Variants in KCNV1 observed in about 807,000 individuals in gnomAD.
KCNV1 encodes potassium voltage-gated channel modifier subfamily V member 1.
KCNV1 carries 2 observed loss-of-function variants against 36.4 expected under a neutral mutation model. The observed-to-expected ratio is 0.05, with a 90% CI of 0.02 to 0.17. The LOEUF (loss-of-function observed/expected upper bound fraction) is 0.17. Ranked by LOEUF, KCNV1 falls within the 10% of genes least tolerant of loss-of-function variation. The pLI is 1.00. For missense variants in KCNV1, 321 were observed against 643.6 expected (o/e 0.50, Z 5.42); for synonymous variants, 280 against 261.1 (o/e 1.07, Z -0.70).
Position 109,974,114 on chromosome 8 carries a change from T to A in KCNV1, c.275A>T (p.Asp92Val). 6.2e-7 allele frequency: 1 copy of A among 1,612,696 alleles called. No homozygotes were observed. Among genetic ancestry groups the A allele is most frequent in the South Asian group, 1.1e-5 (1 of 90,836 alleles). Residue 92 changes from aspartate to valine, a missense_variant, in exon 2 of 4, where the codon GAC (aspartate) becomes GTC (valine). Asp to Val is a radical substitution (Grantham distance 152, BLOSUM62 -3). Transcript: ENST00000524391. This position sits in a 1 kb window ranked among gnomAD's most constrained non-coding sequence, Gnocchi z 6.2. The stretch of plus-strand genomic sequence containing the variant: ...CTCGTTGTCCACGGGGTTGGCATCG[T>A]CGCAAAGCTCCAGAGGGCTGGGCAC... ...AAVPSPLELC[D>V]DANPVDNEYF...
rs957777301 is a variant in KCNV1 at position 109,967,705 on chromosome 8, C to T, written c.*383G>A. The T allele has an allele frequency of 5.9e-5, 10 of 169,618 alleles. No homozygotes were observed. Among genetic ancestry groups the T allele is most frequent in the African/African-American group, 2.4e-4 (10 of 41,754 alleles). The allele number at this position is 169,618 out of a possible 1,614,324, so 10.5% of individuals were successfully genotyped here. ...TTCTTAAATATTTACTTATCTTTCT[C>T]TGGGCTATGCAGTTTACCTTCCATT... On this transcript the variant is annotated 3_prime_UTR_variant, in exon 4 of 4. Coordinates refer to ENST00000524391, the MANE Select transcript of KCNV1 (RefSeq NM_014379.4).
At chr8:109,973,063 C>T (rs748425025) in intron 2 of KCNV1, among the ~76,000 whole-genome samples, 12 of 151,376 alleles carry the variant, frequency 7.9e-5, no homozygotes, top group Non-Finnish European at 1.5e-4. Context: ...CTGTAGCCTC[C>T]GCTTCCCAGG....
In KCNV1 at chr8:109,967,788, C is replaced by T; in HGVS notation, c.*300G>A. 1 of 227,758 alleles carries T rather than the reference C, an allele frequency of 4.4e-6. No individual in the cohort carries two copies. The highest frequency in any genetic ancestry group is 8.6e-6 in the Non-Finnish European group (1 of 116,048). 14.1% of individuals were successfully genotyped at this position (227,758 alleles called of 1,614,324 possible). A position where few individuals can be genotyped will look rare whatever the true frequency, so the allele number is the denominator to read the frequency against. On this transcript the variant is annotated 3_prime_UTR_variant, in exon 4 of 4. Transcript: ENST00000524391. ...TGTTAGTGATACATAAAATCTTTAA[C>T]TTTTTTGTATGTATTGCAATAACAT...
chr8:109,967,962 C>T lies in KCNV1; in HGVS notation c.*126G>A, dbSNP rs890348073. ...TATTCTAGTAGATGAAGCAATATAT[C>T]AGCAAAAATTAATTAAGATGAGCAG... On this transcript the variant is annotated 3_prime_UTR_variant, in exon 4 of 4. Coordinates refer to ENST00000524391, the MANE Select transcript of KCNV1 (RefSeq NM_014379.4). 1 of 903,666 alleles carries T rather than the reference C, an allele frequency of 1.1e-6. No homozygotes were observed. Among genetic ancestry groups the T allele is most frequent in the Non-Finnish European group, 1.6e-6 (1 of 609,652 alleles). The allele number at this position is 903,666 out of a possible 1,614,324, so 56.0% of individuals were successfully genotyped here.
chr8:109,973,111 G>C (rs1240667577), intron 2 of KCNV1, among the ~76,000 whole-genome samples: 1 of 151,650 alleles, frequency 6.6e-6, no homozygotes, highest in Non-Finnish European at 1.5e-5. Context: ...CTGAGTAGCT[G>C]GGATTACAGG....
chr8:109,969,852 G>GAAAAAAAA (rs199693742), intron 3 of KCNV1, among the ~76,000 whole-genome samples: 13 of 86,422 alleles, frequency 1.5e-4, no homozygotes, highest in Non-Finnish European at 1.9e-4. Flanking sequence ...CTCAAAAAAA[G>GAAAAAAAA]AAAAAAAAAA....
intron 2 of KCNV1, among the ~76,000 whole-genome samples, chr8:109,973,137 C>A (rs1317104835): frequency 3.9e-5 from 6 of 151,950 alleles, no homozygotes; most frequent in African/African-American, 1.5e-4. Context: ...ACCACCAGCA[C>A]CCCCGGGTAA....
rs1323937219 is a variant in KCNV1, at chr8:109,973,996, G to A, written c.393C>T (p.Leu131=). The A allele has an allele frequency of 1.2e-6, 2 of 1,613,436 alleles. No individual in the cohort carries two copies. Among genetic ancestry groups the A allele is most frequent in the Non-Finnish European group, 1.7e-6 (2 of 1,179,994 alleles). Residue 131 remains leucine (L), a synonymous_variant, in exon 2 of 4, where the codon CTC becomes CTT. Transcript: ENST00000524391. The part of the protein sequence containing the change: ...RLHVMEQLCA[L]SFLQEIQYWG... ...AGTACTGGATCTCCTGCAGGAAGGA[G>A]AGCGCGCACAGCTGCTCCATGACAT...
rs573160350 is a variant in KCNV1, at chr8:109,972,337, C to T, written c.912G>A (p.Leu304=). 4 of 1,614,152 alleles carry T rather than the reference C, an allele frequency of 2.5e-6. No homozygotes were observed. Among genetic ancestry groups the T allele is most frequent in the South Asian group, 2.2e-5 (2 of 91,080 alleles). The change falls in exon 3 of 4, where the codon CTG becomes CTA. Residue 304 remains leucine, a synonymous_variant. Coordinates refer to ENST00000524391, the MANE Select transcript of KCNV1 (RefSeq NM_014379.4). This position sits in a 1 kb window ranked among gnomAD's most constrained non-coding sequence, Gnocchi z 5.2. Reference sequence around the variant, plus strand: ...CCTGGACAATGCGCCCCACGTTCTCCAGCTCCTGCGTGGTCTGGCTCCCAC... The same window carrying T: ...CCTGGACAATGCGCCCCACGTTCTCTAGCTCCTGCGTGGTCTGGCTCCCAC... ...SLSGSQTTQE[L]ENVGRIVQVL...
chr8:109,968,248 C>T lies in KCNV1; in HGVS notation c.1343G>A (p.Arg448His), dbSNP rs751431090. 22 of 1,614,022 alleles carry T rather than the reference C, an allele frequency of 1.4e-5. No individual in the cohort carries two copies. Among genetic ancestry groups the T allele is most frequent in the Non-Finnish European group, 1.6e-5 (19 of 1,180,040 alleles). Residue 448 changes from arginine (R) to histidine (H), a missense_variant, in exon 4 of 4, where the codon CGT (arginine) becomes CAT (histidine). Physicochemically the swap from Arg to His is conservative, Grantham distance 29. This residue lies in a region of KCNV1 where 45 missense variants were observed against 76.8 expected (regional missense o/e 0.59). Coordinates refer to ENST00000524391, the MANE Select transcript of KCNV1 (RefSeq NM_014379.4). This position sits in a 1 kb window ranked among gnomAD's most constrained non-coding sequence, Gnocchi z 5.3. Reference protein sequence around the residue: ...LKLKEAAVRQREALKKLTKNI... With the variant: ...LKLKEAAVRQHEALKKLTKNI... ...CTTGGTAAGCTTCTTTAGGGCTTCA[C>T]GCTGTCTAACAGCTGCTTCCTTGAG... is the stretch of plus-strand genomic sequence containing the variant.
intron 3 of KCNV1, among the ~76,000 whole-genome samples, chr8:109,971,579 G>A (rs911485257): frequency 1.3e-5 from 2 of 151,876 alleles, no homozygotes; most frequent in Admixed American, 1.3e-4. Context: ...GATTTTCAAA[G>A]GCTCTGTGAT....
In KCNV1 at chr8:109,974,539, A is replaced by C. The variant is rs976709933; in HGVS notation, c.-151T>G. The C allele has an allele frequency of 4.9e-6, 3 of 612,022 alleles. No homozygotes were observed. Among genetic ancestry groups the C allele is most frequent in the Admixed American group, 6.1e-5 (2 of 32,540 alleles). The allele number at this position is 612,022 out of a possible 1,614,324, so 37.9% of individuals were successfully genotyped here. ...TACCTCTCCTTGGCGCACCCTCTCCACCCGCTGTGCGCCTTCCTCCTCCTG... is the reference window on the plus strand; with the variant it reads ...TACCTCTCCTTGGCGCACCCTCTCCCCCCGCTGTGCGCCTTCCTCCTCCTG... On this transcript the variant is annotated 5_prime_UTR_variant, in exon 2 of 4. Transcript: ENST00000524391. The surrounding 1 kb of genome is among the most constrained non-coding windows in gnomAD (Gnocchi z 6.2).
At chr8:109,969,663 G>A (rs1334959581) in intron 3 of KCNV1, among the ~76,000 whole-genome samples, 1 of 152,000 alleles carries the variant, frequency 6.6e-6, no homozygotes, top group Non-Finnish European at 1.5e-5. Context: ...TGGCCAACAT[G>A]GTGAAACCCT....
At position 109,965,767 on chromosome 8, in the gene KCNV1, C is replaced by G. The variant is rs973886533; in HGVS notation, c.*2321G>C. ...GATATTTTACTTAAGGCATATTGAA[C>G]TTCTCCATGCACAAGAAGTTGGCTT... On this transcript the variant is annotated 3_prime_UTR_variant, in exon 4 of 4. Transcript: ENST00000524391. 3.3e-5 allele frequency: 5 copies of G among 152,144 alleles called. No individual in the cohort carries two copies. The highest frequency in any genetic ancestry group is 7.3e-5 in the Non-Finnish European group (5 of 68,030). The allele number at this position is 152,144 out of a possible 1,614,324, so 9.4% of individuals were successfully genotyped here. A position where few individuals can be genotyped will look rare whatever the true frequency, so the allele number is the denominator to read the frequency against.
intron 3 of KCNV1, among the ~76,000 whole-genome samples, chr8:109,969,317 G>A (rs1010190849): frequency 6.6e-6 from 1 of 152,150 alleles, no homozygotes; most frequent in African/African-American, 2.4e-5. Context: ...AAAGCTGTAA[G>A]AAATTATCTC....
chr8:109,974,675 G>T lies in KCNV1; in HGVS notation c.-287C>A. ...AGAGGATCAGGTGAGGTCCAAGCCC[G>T]ACACAGTCCCTGTGCACACTGCCGG... On this transcript the variant is annotated 5_prime_UTR_variant, in exon 2 of 4. Transcript: ENST00000524391. The surrounding 1 kb of genome is among the most constrained non-coding windows in gnomAD (Gnocchi z 6.2). The T allele has an allele frequency of 2.0e-6, 1 of 496,848 alleles. No homozygotes were observed. Among genetic ancestry groups the T allele is most frequent in the Non-Finnish European group, 3.6e-6 (1 of 279,778 alleles). 30.8% of individuals were successfully genotyped at this position (496,848 alleles called of 1,614,324 possible).
rs1819943581 is a variant in KCNV1 at position 109,966,375 on chromosome 8, C to G, written c.*1713G>C. The stretch of plus-strand genomic sequence containing the variant: ...TGTGTGTAAGAAGTAAAATATTTAT[C>G]TTACTAATATTCATATCTCCTGAAC... On this transcript the variant is annotated 3_prime_UTR_variant, in exon 4 of 4. Coordinates refer to ENST00000524391, the MANE Select transcript of KCNV1 (RefSeq NM_014379.4). 6.6e-6 allele frequency: 1 copy of G among 152,096 alleles called. No individual in the cohort carries two copies. The highest frequency in any genetic ancestry group is 1.5e-5 in the Non-Finnish European group (1 of 68,020). The allele number at this position is 152,096 out of a possible 1,614,324, so 9.4% of individuals were successfully genotyped here. A position where few individuals can be genotyped will look rare whatever the true frequency, so the allele number is the denominator to read the frequency against.
rs932221954 is a variant in KCNV1 at position 109,968,874 on chromosome 8, A to G, written c.992-275T>C. Among the ~76,000 whole-genome samples the G allele has an allele frequency of 6.6e-6, 1 of 152,206 alleles. No individual in the cohort carries two copies. Among genetic ancestry groups the G allele is most frequent in the African/African-American group, 2.4e-5 (1 of 41,446 alleles). On this transcript the variant is annotated intron_variant, in intron 3 of 3. Coordinates refer to ENST00000524391, the MANE Select transcript of KCNV1 (RefSeq NM_014379.4). The surrounding 1 kb of genome is among the most constrained non-coding windows in gnomAD (Gnocchi z 5.3). ...CCTATAGAATTATTGAACTTCTACT[A>G]TTAAAAAGAAGGCGAGAGGTAAGAC...
At position 109,974,137 on chromosome 8, in the gene KCNV1, C is replaced by A; in HGVS notation, c.252G>T (p.Val84=). The stretch of plus-strand genomic sequence containing the variant: ...CGTCGCAAAGCTCCAGAGGGCTGGG[C>A]ACGGCGGCCAGGGCCCCGGGGCGGC... ...SYRRPGALAA[V]PSPLELCDDA... is the part of the protein sequence containing the mutation. Residue 84 remains valine, a synonymous_variant, in exon 2 of 4, where the codon GTG becomes GTT. Coordinates refer to ENST00000524391, the MANE Select transcript of KCNV1 (RefSeq NM_014379.4). This position sits in a 1 kb window ranked among gnomAD's most constrained non-coding sequence, Gnocchi z 6.2. 6.2e-7 allele frequency: 1 copy of A among 1,610,280 alleles called. No homozygotes were observed. Among genetic ancestry groups the A allele is most frequent in the Non-Finnish European group, 8.5e-7 (1 of 1,178,722 alleles).
Sources: allele counts gnomAD v4.1 joint callset (sites outside exome capture counted in the v4.1 genomes callset), GRCh38; gene constraint gnomAD v4.1.1; regional missense constraint gnomAD v4.1.1; non-coding constraint Gnocchi (gnomAD v3.1); transcripts MANE v1.5; gene names NCBI Gene and HGNC (gene_info 2026-07-23, HGNC 2026-07-21).